RAD54L2: variants seen among roughly 807,000 people sequenced by gnomAD.
RAD54L2 encodes the protein RAD54 like 2, also known as helicase ARIP4.
Under a neutral mutation model 138.4 loss-of-function variants are expected in RAD54L2, and 27 were observed. That is an observed-to-expected ratio of 0.20 (90% CI 0.14 to 0.27). The LOEUF is 0.27. Ranked by LOEUF, RAD54L2 falls within the 10% of genes least tolerant of loss-of-function variation. The pLI is 1.00. For missense variants in RAD54L2, 1,396 were observed against 1,890.2 expected, an observed-to-expected ratio of 0.74 and a Z score of 4.85; for synonymous variants, 644 against 723.2, an observed-to-expected ratio of 0.89 and a Z score of 1.76.
At chr3:51,540,476 C>T (rs1698523273) in intron 1 of RAD54L2, among the ~76,000 whole-genome samples, 1 of 152,210 alleles carries the variant, frequency 6.6e-6, no homozygotes, top group Non-Finnish European at 1.5e-5. Context: ...AACTCTGAGG[C>T]CTGCAGCTGT....
At position 51,662,674 on chromosome 3, in the gene RAD54L2, C is replaced by T. The variant is rs750323391; in HGVS notation, c.3658C>T (p.Leu1220Phe). The T allele has an allele frequency of 1.2e-6, 2 of 1,613,666 alleles. No individual in the cohort carries two copies. The highest frequency in any genetic ancestry group is 1.3e-5 in the African/African-American group (1 of 74,934). Residue 1220 changes from leucine (L) to phenylalanine (F), a missense_variant, in exon 23 of 23, where the codon CTC (leucine) becomes TTC (phenylalanine). This residue lies in a region of RAD54L2 where 634 missense variants were observed against 711.2 expected (regional missense o/e 0.89). Coordinates refer to ENST00000684192, the MANE Select transcript of RAD54L2 (RefSeq NM_015106.4). The surrounding 1 kb of genome is among the most constrained non-coding windows in gnomAD (Gnocchi z 4.6). ...MDSSAVPGTA[L>F]GTEPRLGGHC... Reference sequence around the variant, plus strand: ...CAGCAGTGCTGTTCCCGGGACAGCTCTCGGAACTGAGCCTCGACTAGGGGG... The same window carrying T: ...CAGCAGTGCTGTTCCCGGGACAGCTTTCGGAACTGAGCCTCGACTAGGGGG...
At chr3:51,660,235 T>C in intron 22 of RAD54L2, 117 bp downstream of exon 22, 1 of 749,794 alleles carries the variant, frequency 1.3e-6, no homozygotes. Flanking sequence ...CAATTCAGAG[T>C]GTACAGAAAG....
chr3:51,541,924 T>G (rs1553671388), intron 2 of RAD54L2: 1 of 152,214 alleles, frequency 6.6e-6, no homozygotes, highest in Non-Finnish European at 1.5e-5. Flanking sequence ...AAAAACTTGT[T>G]TATTTGTTGC....
intron 3 of RAD54L2, among the ~76,000 whole-genome samples, chr3:51,594,372 C>T (rs1699909805): frequency 6.6e-6 from 1 of 152,024 alleles, no homozygotes; most frequent in Non-Finnish European, 1.5e-5. Flanking sequence ...TGTGCCCGGC[C>T]CATACTTAAT....
At chr3:51,548,469 T>G (rs1698755484) in intron 2 of RAD54L2, among the ~76,000 whole-genome samples, 2 of 152,204 alleles carry the variant, frequency 1.3e-5, no homozygotes, top group African/African-American at 4.8e-5. Flanking sequence ...ATTACAGGCA[T>G]GAGCCACCAC....
rs183817514 is a variant in RAD54L2, at chr3:51,604,662, C to T, written c.139+14103C>T. The stretch of plus-strand genomic sequence containing the variant: ...TTTGATGACTGAATTAGTTTATGTT[C>T]GCAAGGTGACTAAATAGCGGAAGAA... On this transcript the variant is annotated intron_variant, in intron 3 of 22. Coordinates refer to ENST00000684192, the MANE Select transcript of RAD54L2 (RefSeq NM_015106.4). 2.3e-3 allele frequency among the ~76,000 whole-genome samples: 352 copies of T among 152,238 alleles called. 2 individuals are homozygous for T. The highest frequency in any genetic ancestry group is 8.1e-3 in the African/African-American group (335 of 41,552).
intron 2 of RAD54L2, among the ~76,000 whole-genome samples, chr3:51,562,792 G>T (rs1046132587): frequency 6.6e-6 from 1 of 152,046 alleles, no homozygotes; most frequent in Middle Eastern, 3.2e-3. Context: ...GATTACAGGT[G>T]TAAGCCACCA....
Position 51,660,237 on chromosome 3 carries a change from T to A in RAD54L2, c.3409+119T>A, listed in dbSNP as rs1196917223. 6 of 703,554 alleles carry A rather than the reference T, an allele frequency of 8.5e-6. No homozygotes were observed. In the Admixed American group the frequency reaches 1.6e-4, roughly 19 times the overall value. The allele number at this position is 703,554 out of a possible 1,614,324, so 43.6% of individuals were successfully genotyped here. A position where few individuals can be genotyped will look rare whatever the true frequency, so the allele number is the denominator to read the frequency against. ...TGTACATGGTTCACAATTCAGAGTG[T>A]ACAGAAAGAGGTAAAGTGAAAAGTA... On this transcript the variant is annotated intron_variant, in intron 22 of 22. Coordinates refer to ENST00000684192, the MANE Select transcript of RAD54L2 (RefSeq NM_015106.4).
Position 51,639,654 on chromosome 3 carries a change from T to C in RAD54L2, c.2096T>C (p.Ile699Thr). The C allele has an allele frequency of 6.2e-7, 1 of 1,613,688 alleles. No homozygotes were observed. The highest frequency in any genetic ancestry group is 1.7e-5 in the Admixed American group (1 of 59,982). Residue 699 changes from isoleucine (I) to threonine (T), a missense_variant, in exon 13 of 23, where the codon ATT becomes ACT. By Grantham distance (89) the Ile-to-Thr change is moderately conservative. This residue lies in a region of RAD54L2 where 211 missense variants were observed against 273.8 expected (regional missense o/e 0.77). Transcript: ENST00000684192. The part of the protein sequence containing the change: ...FNPFQERGNN[I>T]VTYEWAKDLL... ...CCTTTCCAGGAGCGAGGCAACAACA[T>C]TGTCACATATGAATGGGTGAGTCAA... is the stretch of plus-strand genomic sequence containing the variant.
intron 15 of RAD54L2, among the ~76,000 whole-genome samples, chr3:51,643,512 C>T (rs1701195796): frequency 6.6e-6 from 1 of 152,214 alleles, no homozygotes; most frequent in Non-Finnish European, 1.5e-5. Context: ...CTTAGTCCTG[C>T]ACTCACCAGG....
chr3:51,651,260 C>T (rs570733361), intron 19 of RAD54L2, among the ~76,000 whole-genome samples: 50 of 152,222 alleles, frequency 3.3e-4, no homozygotes, highest in Non-Finnish European at 4.6e-4. Flanking sequence ...CCTGAATAGA[C>T]CAACAACAGG....
intron 3 of RAD54L2, among the ~76,000 whole-genome samples, chr3:51,598,077 A>T (rs941303773): frequency 2.2e-4 from 33 of 150,952 alleles, no homozygotes; most frequent in African/African-American, 8.0e-4. Context: ...ATGTGGTATT[A>T]AGCCTAAAAT....
chr3:51,642,665 C>T (rs564911467), intron 15 of RAD54L2, among the ~76,000 whole-genome samples: 122 of 152,170 alleles, frequency 8.0e-4, no homozygotes, highest in Non-Finnish European at 1.3e-3. Flanking sequence ...AAAATATCTC[C>T]AGACATTGCA....
chr3:51,661,754 A>G (rs2106858724), intron 22 of RAD54L2, among the ~76,000 whole-genome samples: 1 of 152,316 alleles, frequency 6.6e-6, no homozygotes, highest in South Asian at 2.1e-4. Flanking sequence ...AGATTTAATG[A>G]TGGTTAGTTT....
At chr3:51,576,720 A>G (rs183445687) in intron 2 of RAD54L2, among the ~76,000 whole-genome samples, 49 of 151,770 alleles carry the variant, frequency 3.2e-4, no homozygotes, top group Admixed American at 1.3e-4. Flanking sequence ...TATTGTGTCT[A>G]TTTGATTCTT....
chr3:51,613,578 C>T (rs1700381475), intron 3 of RAD54L2, among the ~76,000 whole-genome samples: 1 of 151,924 alleles, frequency 6.6e-6, no homozygotes, highest in Non-Finnish European at 1.5e-5. Context: ...ACCAGCCTGG[C>T]CAACATGGTG....
At chr3:51,613,834 G>A (rs1278946127) in intron 3 of RAD54L2, among the ~76,000 whole-genome samples, 1 of 151,964 alleles carries the variant, frequency 6.6e-6, no homozygotes, top group East Asian at 1.9e-4. Flanking sequence ...CTGTTTTAGC[G>A]TTAATTCTGC....
At chr3:51,565,712 A>G (rs1346124044) in intron 2 of RAD54L2, among the ~76,000 whole-genome samples, 1 of 152,010 alleles carries the variant, frequency 6.6e-6, no homozygotes, top group Admixed American at 6.6e-5. Flanking sequence ...ACCTCAGGTG[A>G]TCCGCCCGTC....
chr3:51,616,659 C>A (rs963379735), intron 3 of RAD54L2, among the ~76,000 whole-genome samples: 1 of 151,922 alleles, frequency 6.6e-6, no homozygotes, highest in East Asian at 1.9e-4. Flanking sequence ...GAAACCCCGT[C>A]TCTACTAAAA....
Sources: allele counts gnomAD v4.1 joint callset (sites outside exome capture counted in the v4.1 genomes callset), GRCh38; gene constraint gnomAD v4.1.1; regional missense constraint gnomAD v4.1.1; non-coding constraint Gnocchi (gnomAD v3.1); transcripts MANE v1.5; gene names NCBI Gene and HGNC (gene_info 2026-07-23, HGNC 2026-07-21).